Variants in LARS2 observed in about 807,000 individuals in gnomAD.
LARS2 encodes leucyl-tRNA synthetase 2, mitochondrial, also known as leucine--tRNA ligase, mitochondrial.
A neutral mutation model predicts 116.6 loss-of-function variants in LARS2; 81 were observed. The observed-to-expected ratio is 0.69, with a 90% CI of 0.58 to 0.84. The LOEUF (loss-of-function observed/expected upper bound fraction) is 0.84, where lower values mean the gene tolerates loss of function less well. LARS2 is among the 40% of genes least tolerant of loss of function. LARS2 has a pLI of 0.00. For synonymous variants in LARS2, 396 were observed against 407.2 expected, an observed-to-expected ratio of 0.97 and a Z score of 0.33; for missense variants, 968 against 1,114.5, an observed-to-expected ratio of 0.87 and a Z score of 1.87.
In LARS2 at chr3:45,426,849, T is replaced by C. The variant is rs140441955; in HGVS notation, c.516+7120T>C. ...TGTCCGCAGTTCCAGCTGGTAGTCA[T>C]GAGCCCAGTCAGGTCATCCCCATCA... On this transcript the variant is annotated intron_variant, in intron 6 of 21. Transcript: ENST00000645846. 2.9e-3 allele frequency among the ~76,000 whole-genome samples: 444 copies of C among 152,324 alleles called. 4 individuals are homozygous for C. The highest frequency in any genetic ancestry group is 4.3e-3 in the Non-Finnish European group (290 of 68,020).
chr3:45,510,737 G>A (rs923427147), intron 15 of LARS2, among the ~76,000 whole-genome samples: 2 of 152,302 alleles, frequency 1.3e-5, no homozygotes, highest in Middle Eastern at 3.4e-3. Context: ...ATGGCTATGC[G>A]GAGGAATTTG....
intron 20 of LARS2, among the ~76,000 whole-genome samples, chr3:45,535,186 A>G (rs910327788): frequency 2.0e-5 from 3 of 151,882 alleles, no homozygotes; most frequent in Non-Finnish European, 4.4e-5. Context: ...TGTCTCTACT[A>G]AAAAAATACA....
At chr3:45,518,700 A>G (rs1700408347) in intron 18 of LARS2, among the ~76,000 whole-genome samples, 1 of 152,152 alleles carries the variant, frequency 6.6e-6, no homozygotes, top group South Asian at 2.1e-4. Context: ...TGTAATGGGT[A>G]TCTGATATCC....
At chr3:45,540,109 A>G (rs976181723) in intron 20 of LARS2, among the ~76,000 whole-genome samples, 1 of 152,058 alleles carries the variant, frequency 6.6e-6, no homozygotes. Flanking sequence ...AATACAAAAA[A>G]TTAGCCAGGC....
At chr3:45,418,796 T>C (rs1283847148) in intron 5 of LARS2, among the ~76,000 whole-genome samples, 1 of 152,222 alleles carries the variant, frequency 6.6e-6, no homozygotes, top group East Asian at 1.9e-4. Context: ...CCAGGCTACC[T>C]AGGTGCAAAT....
chr3:45,417,662 C>T, intron 5 of LARS2, 89 bp downstream of exon 5: 2 of 782,814 alleles, frequency 2.6e-6, no homozygotes, highest in Admixed American at 4.2e-5. Context: ...GAAAGCAAAG[C>T]AAACAAAACA....
At chr3:45,500,738 T>C (rs1057250854) in intron 15 of LARS2, among the ~76,000 whole-genome samples, 159 bp downstream of exon 15, 12 of 152,214 alleles carry the variant, frequency 7.9e-5, no homozygotes, top group Admixed American at 2.6e-4. Flanking sequence ...GGTCCATTTA[T>C]ATTGCGTAGT....
chr3:45,431,172 C>A (rs1328171041), intron 6 of LARS2, among the ~76,000 whole-genome samples: 1 of 152,168 alleles, frequency 6.6e-6, no homozygotes, highest in Non-Finnish European at 1.5e-5. Context: ...AGAGGGTCCT[C>A]ACCAAGAACC....
chr3:45,485,902 T>C (rs1228309901), intron 11 of LARS2, 106 bp downstream of exon 11: 2 of 622,854 alleles, frequency 3.2e-6, no homozygotes. Flanking sequence ...GATTCCATGG[T>C]CTGATTTGCC....
chr3:45,442,979 C>G (rs1029883629), intron 6 of LARS2, among the ~76,000 whole-genome samples: 1 of 152,148 alleles, frequency 6.6e-6, no homozygotes, highest in Non-Finnish European at 1.5e-5. Context: ...GTCTTGTTCA[C>G]TATAGGTTTT....
At chr3:45,546,833 G>C (rs1700882885) in intron 21 of LARS2, among the ~76,000 whole-genome samples, 1 of 152,258 alleles carries the variant, frequency 6.6e-6, no homozygotes, top group East Asian at 1.9e-4. Context: ...ACACTAGAGC[G>C]CCCCCTTCTG....
intron 20 of LARS2, among the ~76,000 whole-genome samples, chr3:45,529,530 T>C (rs1700583347): frequency 6.8e-6 from 1 of 146,992 alleles, no homozygotes; most frequent in African/African-American, 2.5e-5. Context: ...TCCTGGGCAA[T>C]GAGAGCGAAA....
intron 4 of LARS2, among the ~76,000 whole-genome samples, chr3:45,401,631 T>A (rs1192431307): frequency 2.6e-5 from 4 of 152,064 alleles, no homozygotes; most frequent in Admixed American, 6.6e-5. Flanking sequence ...TTTAAAAAAA[T>A]TTTTTTGAGA....
chr3:45,444,650 C>T (rs1265227841), intron 6 of LARS2, among the ~76,000 whole-genome samples: 10 of 92,126 alleles, frequency 1.1e-4, no homozygotes, highest in Non-Finnish European at 1.8e-4. Context: ...GGCGACAGAG[C>T]GAGACTCCGT....
intron 4 of LARS2, among the ~76,000 whole-genome samples, chr3:45,413,867 C>A (rs1028341334): frequency 2.0e-5 from 3 of 152,122 alleles, no homozygotes; most frequent in Admixed American, 6.5e-5. Flanking sequence ...TAGGTTGGGA[C>A]ACTTTGAAGT....
chr3:45,511,968 G>C (rs1331604193), intron 15 of LARS2, among the ~76,000 whole-genome samples: 1 of 151,866 alleles, frequency 6.6e-6, no homozygotes, highest in Non-Finnish European at 1.5e-5. Context: ...TAGAGACGGG[G>C]TTTCACCATG....
intron 20 of LARS2, among the ~76,000 whole-genome samples, chr3:45,540,396 A>G (rs1340590072): frequency 6.6e-6 from 1 of 152,180 alleles, no homozygotes; most frequent in East Asian, 1.9e-4. Flanking sequence ...GTCATTCACA[A>G]CCCAGTGTTA....
rs370624356 is a variant in LARS2, at chr3:45,488,686, C to G, written c.1124-11C>G. 1 of 1,531,048 alleles carries G rather than the reference C, an allele frequency of 6.5e-7. No homozygotes were observed. Among genetic ancestry groups the G allele is most frequent in the Non-Finnish European group, 9.1e-7 (1 of 1,104,132 alleles). 94.8% of individuals were successfully genotyped at this position (1,531,048 alleles called of 1,614,324 possible). ...TGAAGGAAATGTTTTCTTTTCTTCTCCTCTGAATAGGAATTCCCAGTACTA... is the reference window on the plus strand; with the variant it reads ...TGAAGGAAATGTTTTCTTTTCTTCTGCTCTGAATAGGAATTCCCAGTACTA... On this transcript the variant is annotated splice_polypyrimidine_tract_variant and intron_variant, in intron 11 of 21. Transcript: ENST00000645846.
intron 10 of LARS2, among the ~76,000 whole-genome samples, chr3:45,479,065 A>G (rs960208933): frequency 6.6e-6 from 1 of 152,074 alleles, no homozygotes; most frequent in Non-Finnish European, 1.5e-5. Context: ...GGCAGCACAC[A>G]GTTGTGACTA....
Sources: gnomAD v4.1 joint callset for allele counts (sites outside exome capture counted in the v4.1 genomes callset) on GRCh38, gnomAD v4.1.1 for gene constraint, MANE v1.5 for transcripts, NCBI Gene and HGNC (gene_info 2026-07-23, HGNC 2026-07-21) for gene names.